OSBP2: variants seen among roughly 807,000 people sequenced by gnomAD.
OSBP2 encodes the protein oxysterol binding protein 2, also known as oxysterol-binding protein 2.
A neutral mutation model predicts 96.0 loss-of-function variants in OSBP2; 66 were observed. That is an observed-to-expected ratio of 0.69 (90% CI 0.56 to 0.84). The LOEUF is 0.84. OSBP2 is among the 40% of genes least tolerant of loss of function. The probability of loss-of-function intolerance (pLI) is 0.00; values close to 1 mark genes in which losing one functional copy is unlikely to be tolerated. For synonymous variants in OSBP2, 525 were observed against 520.9 expected (o/e 1.01, Z -0.11); for missense variants, 1,038 against 1,222.7 (o/e 0.85, Z 2.25).
intron 1 of OSBP2, among the ~76,000 whole-genome samples, chr22:30,701,707 T>A (rs2089166438): frequency 6.6e-6 from 1 of 152,134 alleles, no homozygotes; most frequent in Non-Finnish European, 1.5e-5. Flanking sequence ...TTGCAAAGCG[T>A]CCCTGAAAAC....
chr22:30,716,369 G>A (rs576278534), intron 1 of OSBP2, among the ~76,000 whole-genome samples: 2 of 152,008 alleles, frequency 1.3e-5, no homozygotes, highest in East Asian at 1.9e-4. Context: ...CTTGTTGATC[G>A]TTTGTATAAC....
intron 2 of OSBP2, among the ~76,000 whole-genome samples, chr22:30,868,743 A>C (rs1343483049): frequency 6.6e-6 from 1 of 151,862 alleles, no homozygotes; most frequent in African/African-American, 2.4e-5. Flanking sequence ...TGCCGTGGGC[A>C]CCCTCCTCAG....
intron 12 of OSBP2, among the ~76,000 whole-genome samples, chr22:30,903,746 T>TC (rs1345564403): frequency 6.6e-6 from 1 of 152,182 alleles, no homozygotes; most frequent in East Asian, 1.9e-4. Flanking sequence ...ACACGGTGTT[T>TC]CCCCAAATCC....
At chr22:30,735,566 C>T (rs977844854) in intron 1 of OSBP2, among the ~76,000 whole-genome samples, 54 of 152,186 alleles carry the variant, frequency 3.5e-4, no homozygotes, top group African/African-American at 1.3e-3. Flanking sequence ...CCACTTCACC[C>T]TCCCAAAGTG....
At chr22:30,744,842 A>G (rs1447788411) in intron 2 of OSBP2, among the ~76,000 whole-genome samples, 2 of 152,158 alleles carry the variant, frequency 1.3e-5, no homozygotes, top group African/African-American at 4.8e-5. Context: ...CATATACAAA[A>G]CACTCCACTC....
intron 2 of OSBP2, among the ~76,000 whole-genome samples, chr22:30,835,047 T>C (rs1298389589): frequency 6.6e-6 from 1 of 152,156 alleles, no homozygotes; most frequent in Non-Finnish European, 1.5e-5. Context: ...ACTTCTGACC[T>C]CAGGTGATCT....
At position 30,866,272 on chromosome 22, in the gene OSBP2, C is replaced by G. The variant is rs2039334559; in HGVS notation, c.854-4157C>G. Among the ~76,000 whole-genome samples the G allele has an allele frequency of 2.0e-5, 3 of 152,178 alleles. No homozygotes were observed. In the South Asian group the frequency reaches 6.2e-4, roughly 32 times the overall value. Reference sequence around the variant, plus strand: ...CTGGATCAGAGAGAGTAGAAGATGCCTCTTTGCTGGCTTTGAAGATGGAGG... The same window carrying G: ...CTGGATCAGAGAGAGTAGAAGATGCGTCTTTGCTGGCTTTGAAGATGGAGG... On this transcript the variant is annotated intron_variant, in intron 2 of 13. Coordinates refer to ENST00000332585, the MANE Select transcript of OSBP2 (RefSeq NM_030758.4).
intron 3 of OSBP2, among the ~76,000 whole-genome samples, chr22:30,886,387 C>G (rs1425490117): frequency 6.6e-6 from 1 of 152,036 alleles, no homozygotes; most frequent in East Asian, 1.9e-4. Flanking sequence ...TTGTGGAGAC[C>G]AAGGTTCTTT....
At chr22:30,764,026 C>T (rs1196050899) in intron 2 of OSBP2, among the ~76,000 whole-genome samples, 2 of 152,224 alleles carry the variant, frequency 1.3e-5, no homozygotes. Context: ...CAACAAATCT[C>T]TCCGTACCTG....
At chr22:30,772,697 C>G (rs1295137786) in intron 2 of OSBP2, among the ~76,000 whole-genome samples, 1 of 152,192 alleles carries the variant, frequency 6.6e-6, no homozygotes, top group Admixed American at 6.6e-5. Flanking sequence ...TCCTCTGCCT[C>G]TCTTGGCCTC....
intron 2 of OSBP2, among the ~76,000 whole-genome samples, chr22:30,859,131 G>A (rs577416650): frequency 3.3e-5 from 5 of 151,850 alleles, no homozygotes; most frequent in South Asian, 2.1e-4. Flanking sequence ...AGGCAGCCGC[G>A]TGTGGAAAAT....
intron 1 of OSBP2, among the ~76,000 whole-genome samples, chr22:30,702,308 A>C (rs983057899): frequency 1.4e-4 from 21 of 152,120 alleles, no homozygotes; most frequent in African/African-American, 5.1e-4. Context: ...CTTCTCCAGG[A>C]TTCTCTTTCA....
intron 1 of OSBP2, among the ~76,000 whole-genome samples, chr22:30,713,876 T>G (rs536737933): frequency 3.3e-5 from 5 of 152,346 alleles, no homozygotes; most frequent in Admixed American, 1.3e-4. Flanking sequence ...AGCATATCCA[T>G]CACCTCAAAC....
At chr22:30,737,373 G>T (rs1391483157) in intron 1 of OSBP2, among the ~76,000 whole-genome samples, 1 of 145,640 alleles carries the variant, frequency 6.9e-6, no homozygotes, top group South Asian at 2.2e-4. Flanking sequence ...ACTCAGGCTG[G>T]AATGCAGTGG....
chr22:30,706,985 G>A (rs938956078), intron 1 of OSBP2, among the ~76,000 whole-genome samples: 5 of 151,978 alleles, frequency 3.3e-5, no homozygotes, highest in African/African-American at 4.8e-5. Context: ...TTCTCTCTCC[G>A]TTAGATCAAT....
chr22:30,714,050 C>A (rs1265043259), intron 1 of OSBP2, among the ~76,000 whole-genome samples: 2 of 152,126 alleles, frequency 1.3e-5, no homozygotes, highest in East Asian at 3.8e-4. Context: ...CCAACCTCTC[C>A]TTCTCCCCCA....
At chr22:30,759,507 A>G (rs566292436) in intron 2 of OSBP2, among the ~76,000 whole-genome samples, 27 of 152,326 alleles carry the variant, frequency 1.8e-4, no homozygotes, top group African/African-American at 6.5e-4. Flanking sequence ...AATTAATAGC[A>G]CTAACAAACA....
chr22:30,729,732 A>T (rs1030660763), intron 1 of OSBP2, among the ~76,000 whole-genome samples: 15 of 152,010 alleles, frequency 9.9e-5, no homozygotes, highest in African/African-American at 2.9e-4. Context: ...TCAGCTGGTC[A>T]TGGTGGCTAA....
At chr22:30,695,777 TG>T (rs2089020323) in intron 1 of OSBP2, among the ~76,000 whole-genome samples, 2 of 152,106 alleles carry the variant, frequency 1.3e-5, no homozygotes, top group Non-Finnish European at 2.9e-5. Flanking sequence ...CTGGCAAGCT[TG>T]GGTTTTTGGG....
Sources: gnomAD v4.1 joint callset for allele counts (sites outside exome capture counted in the v4.1 genomes callset) on GRCh38, gnomAD v4.1.1 for gene constraint, MANE v1.5 for transcripts, NCBI Gene and HGNC (gene_info 2026-07-23, HGNC 2026-07-21) for gene names.